Variants in DAO observed in about 807,000 individuals in gnomAD.
DAO encodes the protein D-amino-acid oxidase.
DAO carries 51 observed loss-of-function variants against 50.1 expected under a neutral mutation model. That is an observed-to-expected ratio of 1.02 (90% CI 0.81 to 1.29). The LOEUF (loss-of-function observed/expected upper bound fraction) is 1.29, where lower values mean the gene tolerates loss of function less well. DAO is among the 50% of genes most tolerant of loss of function. The pLI, the probability that DAO is intolerant of heterozygous loss-of-function variation, is 0.00. For missense variants in DAO, 436 were observed against 439.4 expected, an observed-to-expected ratio of 0.99 and a Z score of 0.07; for synonymous variants, 160 against 166.2, an observed-to-expected ratio of 0.96 and a Z score of 0.29.
intron 9 of DAO, 97 bp from the exon 10 acceptor site, chr12:108,899,280 G>T: frequency 1.3e-6 from 1 of 771,058 alleles, no homozygotes; most frequent in Admixed American, 2.0e-5. Flanking sequence ...TATTAGTGGT[G>T]GTGGTGATGA....
At chr12:108,894,130 C>A (rs1447011883) in intron 6 of DAO, 133 bp from the exon 7 acceptor site, 8 of 700,206 alleles carry the variant, frequency 1.1e-5, no homozygotes, top group Non-Finnish European at 1.5e-5. Flanking sequence ...CCCTCTGATT[C>A]CTCATTGAGA....
rs890003263 is a variant in DAO, at chr12:108,890,098, A to G, written c.387-110A>G. On this transcript the variant is annotated intron_variant, in intron 4 of 10. Coordinates refer to ENST00000228476, the MANE Select transcript of DAO (RefSeq NM_001917.5). The stretch of plus-strand genomic sequence containing the variant: ...TTGAACTTCACGTAGTGGTCCTGGC[A>G]CTACCCTTTGGGCCCACAGAACAAC... 3.2e-6 allele frequency: 3 copies of G among 936,668 alleles called. No homozygotes were observed. The African/African-American group carries it at 4.9e-5, about 15-fold the overall frequency. 58.0% of individuals were successfully genotyped at this position (936,668 alleles called of 1,614,324 possible).
Position 108,893,043 on chromosome 12 carries a change from T to A in DAO, c.507+7T>A. 1 of 1,613,150 alleles carries A rather than the reference T, an allele frequency of 6.2e-7. No individual in the cohort carries two copies. The highest frequency in any genetic ancestry group is 8.5e-7 in the Non-Finnish European group (1 of 1,179,428). Reference sequence around the variant, plus strand: ...AGTGGAGTCTTTTGAGGAGGTGAGTTGCAGGGCTGATGCGGTGGATGGGGC... The same window carrying A: ...AGTGGAGTCTTTTGAGGAGGTGAGTAGCAGGGCTGATGCGGTGGATGGGGC... On this transcript the variant is annotated splice_region_variant and intron_variant, in intron 6 of 10. Coordinates refer to ENST00000228476, the MANE Select transcript of DAO (RefSeq NM_001917.5).
intron 7 of DAO, 72 bp from the exon 8 acceptor site, chr12:108,896,934 C>A: frequency 8.8e-7 from 1 of 1,141,982 alleles, no homozygotes; most frequent in Non-Finnish European, 1.3e-6. Context: ...GGACATCTGG[C>A]CACAGAGGGG....
chr12:108,889,480 G>C lies in DAO; in HGVS notation c.321G>C (p.Trp107Cys). 6.2e-7 allele frequency: 1 copy of C among 1,612,206 alleles called. No homozygotes were observed. Among genetic ancestry groups the C allele is most frequent in the Non-Finnish European group, 8.5e-7 (1 of 1,178,936 alleles). Residue 107 changes from tryptophan (W) to cysteine (C), a missense_variant, in exon 4 of 11, where the codon TGG becomes TGC. Transcript: ENST00000228476. The part of the protein sequence containing the change: ...LFHEAIPDPS[W>C]KDTVLGFRKL... ...TCCTTCCTCTTCAGGACCCTTCCTG[G>C]AAGGACACAGTTCTGGGATTTCGGA...
At chr12:108,882,823 A>G (rs2039394967) in intron 1 of DAO, among the ~76,000 whole-genome samples, 1 of 152,166 alleles carries the variant, frequency 6.6e-6, no homozygotes, top group Non-Finnish European at 1.5e-5. Flanking sequence ...AAAGCCCTTT[A>G]TTCCTCTGCC....
chr12:108,897,043 A>G lies in DAO; in HGVS notation c.650A>G (p.His217Arg). The G allele has an allele frequency of 6.2e-7, 1 of 1,614,042 alleles. No individual in the cohort carries two copies. Among genetic ancestry groups the G allele is most frequent in the South Asian group, 1.1e-5 (1 of 91,072 alleles). The change falls in exon 8 of 11, where the codon CAT becomes CGT. Residue 217 changes from histidine (H) to arginine (R), a missense_variant. By Grantham distance (29) the His-to-Arg change is conservative (BLOSUM62 0). Transcript: ENST00000228476. ...TGGATGAAGCACTTCATTCTCACCCATGACCCAGAGAGAGGCATCTACAAT... is the reference window on the plus strand; with the variant it reads ...TGGATGAAGCACTTCATTCTCACCCGTGACCCAGAGAGAGGCATCTACAAT... ...APWMKHFILT[H>R]DPERGIYNSP...
intron 1 of DAO, among the ~76,000 whole-genome samples, chr12:108,882,935 CCT>C (rs1237585907): frequency 6.6e-6 from 1 of 151,984 alleles, no homozygotes; most frequent in East Asian, 1.9e-4. Flanking sequence ...ATTGCTTGAG[CCT>C]AGGAATTGGA....
chr12:108,900,756 A>C lies in DAO; in HGVS notation c.*221A>C, dbSNP rs971199990. On this transcript the variant is annotated 3_prime_UTR_variant, in exon 11 of 11. Coordinates refer to ENST00000228476, the MANE Select transcript of DAO (RefSeq NM_001917.5). ...CTCTACCTTCTCTGGGTCTGGCATT[A>C]TAAAGAACAGCTGAGGCTGTCATTC... 17 of 497,188 alleles carry C rather than the reference A, an allele frequency of 3.4e-5. No individual in the cohort carries two copies. Among genetic ancestry groups the C allele is most frequent in the African/African-American group, 3.1e-4 (16 of 51,250 alleles). 30.8% of individuals were successfully genotyped at this position (497,188 alleles called of 1,614,324 possible).
intron 7 of DAO, among the ~76,000 whole-genome samples, chr12:108,895,522 T>G (rs2039542217): frequency 8.6e-6 from 1 of 116,730 alleles, no homozygotes; most frequent in South Asian, 3.0e-4. Flanking sequence ...TGTGCGTGCA[T>G]GCACACCATG....
At position 108,891,026 on chromosome 12, in the gene DAO, T is replaced by C. The variant is rs534786136; in HGVS notation, c.452+753T>C. Among the ~76,000 whole-genome samples, 41 of 152,320 alleles carry C rather than the reference T, an allele frequency of 2.7e-4. 1 individual carries two copies. Among genetic ancestry groups the C allele is most frequent in the Admixed American group, 1.9e-3 (29 of 15,296 alleles). On this transcript the variant is annotated intron_variant, in intron 5 of 10. Transcript: ENST00000228476. ...TTAGTAGAGATGGGTTTTCACCATG[T>C]TAGCCAGGATGGTCTCAATCTCCTG...
chr12:108,886,640 ATT>A (rs754404554), intron 2 of DAO, among the ~76,000 whole-genome samples: 1 of 151,884 alleles, frequency 6.6e-6, no homozygotes, highest in Admixed American at 6.6e-5. Flanking sequence ...AATTTTCTTT[ATT>A]TTTTGTAGAG....
intron 10 of DAO, 143 bp from the exon 11 acceptor site, chr12:108,900,261 C>T (rs945464506): frequency 6.9e-5 from 71 of 1,029,310 alleles, no homozygotes; most frequent in Non-Finnish European, 9.3e-5. Flanking sequence ...CATTCCACCC[C>T]GGTGCCAAGA....
chr12:108,887,603 A>G (rs1273858843), intron 3 of DAO, 39 bp downstream of exon 3: 1 of 1,473,932 alleles, frequency 6.8e-7, no homozygotes, highest in Admixed American at 1.7e-5. Context: ...ATGAGCACCC[A>G]GGGCTGGGGT....
In DAO at chr12:108,889,543, C is replaced by T. The variant is rs747002323; in HGVS notation, c.384C>T (p.Tyr128=). ...TPRELDMFPD[Y]GYGWFHTSLI... is the part of the protein sequence containing the mutation. ...GAGAGCTGGATATGTTCCCAGATTACGGGTGAGTTTATTGTCACAGGCAAA... is the reference window on the plus strand; with the variant it reads ...GAGAGCTGGATATGTTCCCAGATTATGGGTGAGTTTATTGTCACAGGCAAA... Residue 128 remains tyrosine (Y), a splice_region_variant and synonymous_variant, in exon 4 of 11, where the codon TAC becomes TAT. Coordinates refer to ENST00000228476, the MANE Select transcript of DAO (RefSeq NM_001917.5). The T allele has an allele frequency of 2.0e-5, 32 of 1,611,082 alleles. No homozygotes were observed. Among genetic ancestry groups the T allele is most frequent in the African/African-American group, 8.0e-5 (6 of 74,840 alleles).
chr12:108,882,209 T>C (rs1022640642), intron 1 of DAO, among the ~76,000 whole-genome samples: 2 of 152,134 alleles, frequency 1.3e-5, no homozygotes, highest in African/African-American at 4.8e-5. Flanking sequence ...CTTTGTCAGC[T>C]CTCATAAAAG....
In DAO at chr12:108,898,802, G is replaced by A; in HGVS notation, c.813+6G>A. 2 of 1,599,176 alleles carry A rather than the reference G, an allele frequency of 1.3e-6. No homozygotes were observed. The highest frequency in any genetic ancestry group is 1.7e-6 in the Non-Finnish European group (2 of 1,166,478). ...GACTGGAGCCCACACTGAAGGTAAGGTAGGGAGGAGTAGCAGTGCCCTAAA... is the reference window on the plus strand; with the variant it reads ...GACTGGAGCCCACACTGAAGGTAAGATAGGGAGGAGTAGCAGTGCCCTAAA... On this transcript the variant is annotated splice_donor_region_variant and intron_variant, in intron 9 of 10. Transcript: ENST00000228476.
At chr12:108,894,869 C>A (rs1309919232) in intron 7 of DAO, among the ~76,000 whole-genome samples, 2 of 152,130 alleles carry the variant, frequency 1.3e-5, no homozygotes, top group South Asian at 4.1e-4. Context: ...CATGCCACCA[C>A]CATGCTCAGC....
chr12:108,883,769 G>C (rs1351497719), intron 1 of DAO: 12 of 396,322 alleles, frequency 3.0e-5, no homozygotes, highest in Non-Finnish European at 2.1e-5. Context: ...GAATTGCCTA[G>C]AGGAACGATA....
Sources: allele counts gnomAD v4.1 joint callset (sites outside exome capture counted in the v4.1 genomes callset), GRCh38; gene constraint gnomAD v4.1.1; transcripts MANE v1.5; gene names NCBI Gene and HGNC (gene_info 2026-07-23, HGNC 2026-07-21).